The following PEX11G variants were observed in gnomAD, a reference collection of about 807,000 sequenced individuals.
The protein encoded by PEX11G is peroxisomal membrane protein 11C.
A neutral mutation model predicts 22.5 loss-of-function variants in PEX11G; 20 were observed. That is an observed-to-expected ratio of 0.89 (90% CI 0.62 to 1.29). The LOEUF (loss-of-function observed/expected upper bound fraction) is 1.29. PEX11G is among the 50% of genes most tolerant of loss of function. The pLI is 0.00. For missense variants in PEX11G, 347 were observed against 331.3 expected, an observed-to-expected ratio of 1.05 and a Z score of -0.37; for synonymous variants, 141 against 154.5, an observed-to-expected ratio of 0.91 and a Z score of 0.65.
chr19:7,490,964 G>C (rs2021877117), upstream of PEX11G: 1 of 151,582 alleles, frequency 6.6e-6, no homozygotes, highest in African/African-American at 2.4e-5. Context: ...TTTATTTTTT[G>C]TAGAAATGGA....
At chr19:7,494,173 C>T (rs926349123) in intron 1 of PEX11G, among the ~76,000 whole-genome samples, 2 of 152,184 alleles carry the variant, frequency 1.3e-5, no homozygotes, top group Non-Finnish European at 2.9e-5. Flanking sequence ...TCCTAAAGTG[C>T]TGGGATTACA....
chr19:7,479,016 G>A (rs1008981410), intron 3 of PEX11G, among the ~76,000 whole-genome samples: 2 of 152,248 alleles, frequency 1.3e-5, no homozygotes, highest in Admixed American at 6.5e-5. Flanking sequence ...AGCCTCGGCC[G>A]TGGGGTGTGC....
At chr19:7,489,102 C>A, upstream of PEX11G, 2 of 1,350,110 alleles carry the variant, frequency 1.5e-6, no homozygotes, top group Non-Finnish European at 1.9e-6. Context: ...GGCTTGCGCG[C>A]AGGCGCGGCC....
intron 3 of PEX11G, among the ~76,000 whole-genome samples, chr19:7,480,024 G>T (rs1977415799): frequency 6.6e-6 from 1 of 152,236 alleles, no homozygotes; most frequent in Non-Finnish European, 1.5e-5. Context: ...AGCACTTAGG[G>T]AGGCCAAGGC....
chr19:7,477,837 C>T (rs904809347), intron 4 of PEX11G, among the ~76,000 whole-genome samples: 1 of 152,132 alleles, frequency 6.6e-6, no homozygotes, highest in African/African-American at 2.4e-5. Context: ...GCCAATATGG[C>T]GAGACCCCAT....
chr19:7,480,799 G>C (rs1489666357), intron 3 of PEX11G, among the ~76,000 whole-genome samples: 3 of 152,114 alleles, frequency 2.0e-5, no homozygotes, highest in East Asian at 1.9e-4. Context: ...AGCGATCTAA[G>C]AGCCCTTCAC....
At chr19:7,477,966 G>A (rs1411093771) in intron 4 of PEX11G, among the ~76,000 whole-genome samples, 1 of 152,228 alleles carries the variant, frequency 6.6e-6, no homozygotes, top group African/African-American at 2.4e-5. Flanking sequence ...AGGCTGCAGT[G>A]AGCCAAGATG....
chr19:7,489,254 CG>C (rs2021820397), upstream of PEX11G: 1 of 1,235,132 alleles, frequency 8.1e-7, no homozygotes, highest in African/African-American at 1.6e-5. Flanking sequence ...TGCCCCACGG[CG>C]GTTTGGCCAA....
intron 4 of PEX11G, among the ~76,000 whole-genome samples, 188 bp from the exon 5 acceptor site, chr19:7,477,624 C>G (rs147374443): frequency 6.6e-6 from 1 of 152,158 alleles, no homozygotes; most frequent in African/African-American, 2.4e-5. Context: ...GACCCAAGCA[C>G]GAACAGGGCA....
rs184432057 is a variant in PEX11G at position 7,494,127 on chromosome 19, G to A, written c.-456-3005C>T. The stretch of plus-strand genomic sequence containing the variant: ...TTGCCCTGTTGGCCAGGCTGGTCTC[G>A]AACTCCTGACCTTGGGGAATCCTCC... On this transcript the variant is annotated intron_variant, in intron 1 of 6. Coordinates refer to the PEX11G transcript ENST00000593942. Among the ~76,000 whole-genome samples the A allele has an allele frequency of 3.3e-4, 50 of 152,226 alleles. 2 individuals are homozygous for A. The East Asian group carries it at 7.5e-3, about 23-fold the overall frequency.
intron 2 of PEX11G, among the ~76,000 whole-genome samples, chr19:7,483,765 G>A (rs547766972): frequency 2.0e-5 from 3 of 152,134 alleles, no homozygotes; most frequent in Non-Finnish European, 4.4e-5. Context: ...GCTCAGAGAG[G>A]TGATCCCTGG....
intron 4 of PEX11G, among the ~76,000 whole-genome samples, chr19:7,477,996 T>G (rs916343509): frequency 2.6e-5 from 4 of 152,212 alleles, no homozygotes; most frequent in Non-Finnish European, 4.4e-5. Flanking sequence ...TGCTCCAGCC[T>G]GGGCAACAGA....
chr19:7,477,285 C>A lies in PEX11G; in HGVS notation c.643G>T (p.Gly215Cys), dbSNP rs560572553. ...WAGRFPPWLV[G>C]LMGTISSILS... ...ATTGAGGAGATGGTGCCCATGAGGC[C>A]CACTAGCCACGGCGGGAAGCGGCCG... The change falls in exon 5 of 5, where the codon GGC becomes TGC. Residue 215 changes from glycine to cysteine, a missense_variant. Transcript: ENST00000221480. The A allele has an allele frequency of 4.8e-5, 76 of 1,584,170 alleles. 3 individuals are homozygous for A. In the South Asian group the frequency reaches 8.6e-4, roughly 18 times the overall value.
At chr19:7,480,908 G>A (rs1977460887) in intron 3 of PEX11G, among the ~76,000 whole-genome samples, 2 of 152,106 alleles carry the variant, frequency 1.3e-5, no homozygotes, top group South Asian at 2.1e-4. Context: ...AAAATGTTTG[G>A]GAGGAAACCA....
intron 4 of PEX11G, among the ~76,000 whole-genome samples, chr19:7,478,040 G>T (rs568711633): frequency 2.0e-5 from 3 of 152,312 alleles, no homozygotes; most frequent in Non-Finnish European, 2.9e-5. Flanking sequence ...AAAAGAAAAA[G>T]CAACAGTAAC....
At chr19:7,481,828 A>G (rs1290657635) in intron 3 of PEX11G, among the ~76,000 whole-genome samples, 1 of 152,184 alleles carries the variant, frequency 6.6e-6, no homozygotes, top group Non-Finnish European at 1.5e-5. Context: ...GCCCAGCACT[A>G]CAGAGTTGTG....
At position 7,482,052 on chromosome 19, in the gene PEX11G, G is replaced by A. The variant is rs756763152; in HGVS notation, c.409C>T (p.Leu137=). The change falls in exon 3 of 5, where the codon CTG becomes TTG. Residue 137 remains leucine (L), a synonymous_variant. Transcript: ENST00000221480. ...TLSTTLWALS[L]LLGVARSLWM... is the part of the protein sequence containing the mutation. Reference sequence around the variant, plus strand: ...ACTTACCTGGCAACCCCCAGGAGCAGAGAGAGGGCCCACAGGGTTGTACTC... The same window carrying A: ...ACTTACCTGGCAACCCCCAGGAGCAAAGAGAGGGCCCACAGGGTTGTACTC... 9 of 1,603,096 alleles carry A rather than the reference G, an allele frequency of 5.6e-6. No homozygotes were observed. The Middle Eastern group carries it at 6.7e-4, about 119-fold the overall frequency.
intron 3 of PEX11G, among the ~76,000 whole-genome samples, 163 bp from the exon 4 acceptor site, chr19:7,478,539 A>G (rs1977342614): frequency 6.6e-6 from 1 of 152,100 alleles, no homozygotes; most frequent in South Asian, 2.1e-4. Context: ...GCTGTGCCTC[A>G]TGCTCCCGGG....
upstream of PEX11G, among the ~76,000 whole-genome samples, chr19:7,489,919 G>A (rs1395036600): frequency 6.7e-6 from 1 of 149,994 alleles, no homozygotes; most frequent in East Asian, 2.0e-4. Context: ...GTGCAGTAGC[G>A]CCATCTCTGC....
Sources: allele counts gnomAD v4.1 joint callset (sites outside exome capture counted in the v4.1 genomes callset), GRCh38; gene constraint gnomAD v4.1.1; transcripts MANE v1.5; gene names NCBI Gene and HGNC (gene_info 2026-07-23, HGNC 2026-07-21).